The following RAB3GAP2 variants were observed in gnomAD, a reference collection of about 807,000 sequenced individuals.
RAB3GAP2 encodes RAB3 GTPase activating non-catalytic protein subunit 2.
RAB3GAP2 carries 87 observed loss-of-function variants against 185.3 expected under a neutral mutation model. That is an observed-to-expected ratio of 0.47 (90% CI 0.39 to 0.56). The LOEUF (loss-of-function observed/expected upper bound fraction) is 0.56. RAB3GAP2 is among the 20% of genes least tolerant of loss of function. The pLI, the probability that RAB3GAP2 is intolerant of heterozygous loss-of-function variation, is 0.00. For missense variants in RAB3GAP2, 1,492 were observed against 1,638.2 expected, an observed-to-expected ratio of 0.91 and a Z score of 1.54; for synonymous variants, 554 against 576.1, an observed-to-expected ratio of 0.96 and a Z score of 0.55.
At chr1:220,243,353 CAAAA>C (rs34046394) in intron 1 of RAB3GAP2, among the ~76,000 whole-genome samples, 2 of 107,604 alleles carry the variant, frequency 1.9e-5, no homozygotes. Flanking sequence ...GACTCCATCT[CAAAA>C]AAAAAAAAAA....
At chr1:220,258,927 T>C (rs1660084529) in intron 1 of RAB3GAP2, among the ~76,000 whole-genome samples, 1 of 152,108 alleles carries the variant, frequency 6.6e-6, no homozygotes, top group African/African-American at 2.4e-5. Context: ...ATCACAAGCA[T>C]TCCTATACAC....
At chr1:220,255,958 C>T (rs1660025735) in intron 1 of RAB3GAP2, among the ~76,000 whole-genome samples, 1 of 152,146 alleles carries the variant, frequency 6.6e-6, no homozygotes, top group African/African-American at 2.4e-5. Flanking sequence ...TCAAGAAGAT[C>T]AACCCCAAGA....
intron 1 of RAB3GAP2, among the ~76,000 whole-genome samples, chr1:220,263,335 G>A (rs1660174458): frequency 6.6e-6 from 1 of 152,002 alleles, no homozygotes; most frequent in African/African-American, 2.4e-5. Context: ...TGCTTCTGCT[G>A]CCTATGCTTT....
intron 12 of RAB3GAP2, 41 bp from the exon 13 acceptor site, chr1:220,193,420 A>T (rs757072019): frequency 6.9e-6 from 11 of 1,593,384 alleles, no homozygotes; most frequent in Non-Finnish European, 9.4e-6. Context: ...ATCACATTCC[A>T]GTTCAGAAAC....
chr1:220,209,382 TACCTG>T (rs2102879641), intron 7 of RAB3GAP2, among the ~76,000 whole-genome samples: 1 of 152,314 alleles, frequency 6.6e-6, no homozygotes, highest in South Asian at 2.1e-4. Context: ...TTCTCCTGAT[TACCTG>T]AAACACTTTC....
rs1657725348 is a variant in RAB3GAP2 at position 220,150,355 on chromosome 1, T to C, written c.*896A>G. 1 of 152,424 alleles carries C rather than the reference T, an allele frequency of 6.6e-6. No individual in the cohort carries two copies. The highest frequency in any genetic ancestry group is 1.5e-5 in the Non-Finnish European group (1 of 68,014). The allele number at this position is 152,424 out of a possible 1,614,324, so 9.4% of individuals were successfully genotyped here. ...TACCACTAAGCAGTTTTTTCAATACTGTTCCCAAGGACAGATAATATTAGC... is the reference window on the plus strand; with the variant it reads ...TACCACTAAGCAGTTTTTTCAATACCGTTCCCAAGGACAGATAATATTAGC... On this transcript the variant is annotated 3_prime_UTR_variant, in exon 35 of 35. Transcript: ENST00000358951.
intron 1 of RAB3GAP2, among the ~76,000 whole-genome samples, chr1:220,263,524 ACAT>A (rs1279514816): frequency 6.6e-6 from 1 of 152,092 alleles, no homozygotes; most frequent in Non-Finnish European, 1.5e-5. Context: ...ATTTCCTCTA[ACAT>A]CATATATTCA....
At chr1:220,237,901 A>C (rs2102894588) in intron 1 of RAB3GAP2, among the ~76,000 whole-genome samples, 1 of 152,242 alleles carries the variant, frequency 6.6e-6, no homozygotes, top group Admixed American at 6.5e-5. Context: ...AAAAAAAACA[A>C]CAGGTGAAAT....
rs956385194 is a variant in RAB3GAP2, at chr1:220,148,623, CATATT to C, written c.*2623_*2627del. 1.2e-4 allele frequency: 19 copies of C among 152,128 alleles called. No homozygotes were observed. Among genetic ancestry groups the C allele is most frequent in the Non-Finnish European group, 1.8e-4 (12 of 68,006 alleles). The allele number at this position is 152,128 out of a possible 1,614,324, so 9.4% of individuals were successfully genotyped here. A position where few individuals can be genotyped will look rare whatever the true frequency, so the allele number is the denominator to read the frequency against. On this transcript the variant is annotated 3_prime_UTR_variant, in exon 35 of 35. Transcript: ENST00000358951. Reference sequence around the variant, plus strand: ...TGAACATTATATTCAGTGTAAGTCTCATATTATTAAATTTCAGATTTTTGACTTTT... The same window carrying C: ...TGAACATTATATTCAGTGTAAGTCTCATTAAATTTCAGATTTTTGACTTTT...
At chr1:220,264,541 AC>A (rs1049855239) in intron 1 of RAB3GAP2, among the ~76,000 whole-genome samples, 1 of 152,008 alleles carries the variant, frequency 6.6e-6, no homozygotes, top group Non-Finnish European at 1.5e-5. Flanking sequence ...TTCCCAAGCA[AC>A]CTTTTATAAA....
chr1:220,171,944 G>T lies in RAB3GAP2; in HGVS notation c.2522C>A (p.Ala841Glu). 1 of 1,614,124 alleles carries T rather than the reference G, an allele frequency of 6.2e-7. No individual in the cohort carries two copies. The highest frequency in any genetic ancestry group is 8.5e-7 in the Non-Finnish European group (1 of 1,180,016). ...SENNGAALLS[A>E]HVGHSVAAQI... is the part of the protein sequence containing the mutation. ...TGCAGCAACAGAATGCCCAACATGC[G>T]CAGACAACAGAGCGGCTCCATTGTT... Residue 841 changes from alanine (A) to glutamate (E), a missense_variant, in exon 23 of 35, where the codon GCG (alanine) becomes GAG (glutamate). Coordinates refer to ENST00000358951, the MANE Select transcript of RAB3GAP2 (RefSeq NM_012414.4).
chr1:220,257,724 A>C (rs1250518157), intron 1 of RAB3GAP2, among the ~76,000 whole-genome samples: 5 of 152,192 alleles, frequency 3.3e-5, no homozygotes, highest in Admixed American at 3.3e-4. Flanking sequence ...AATAACCAAG[A>C]TCAGAGCTGA....
chr1:220,242,866 T>C (rs897596159), intron 1 of RAB3GAP2, among the ~76,000 whole-genome samples: 3 of 152,324 alleles, frequency 2.0e-5, no homozygotes, highest in Admixed American at 2.0e-4. Context: ...GGCACTTAGA[T>C]GACATAATCA....
rs921244258 is a variant in RAB3GAP2, at chr1:220,189,850, T to C, written c.1715-83A>G. The C allele has an allele frequency of 3.3e-6, 4 of 1,228,366 alleles. No individual in the cohort carries two copies. In the African/African-American group the frequency reaches 6.1e-5, roughly 19 times the overall value. The allele number at this position is 1,228,366 out of a possible 1,614,324, so 76.1% of individuals were successfully genotyped here. Reference sequence around the variant, plus strand: ...TTCTGAAAGAAAATGAACATATCTGTACTATCAGTGAGTCTAAAGGATTTT... The same window carrying C: ...TTCTGAAAGAAAATGAACATATCTGCACTATCAGTGAGTCTAAAGGATTTT... On this transcript the variant is annotated intron_variant, in intron 16 of 34. Transcript: ENST00000358951.
At chr1:220,195,264 G>A in intron 11 of RAB3GAP2, 34 bp downstream of exon 11, 1 of 1,586,412 alleles carries the variant, frequency 6.3e-7, no homozygotes. Flanking sequence ...AGATACAAAT[G>A]AGATATTTGT....
intron 31 of RAB3GAP2, 86 bp downstream of exon 31, chr1:220,157,184 T>A: frequency 8.5e-7 from 1 of 1,179,502 alleles, no homozygotes; most frequent in Non-Finnish European, 1.2e-6. Flanking sequence ...ACAAAAGTAC[T>A]GGACAGCTTC....
chr1:220,217,605 C>T (rs1207724083), intron 2 of RAB3GAP2, among the ~76,000 whole-genome samples: 1 of 151,960 alleles, frequency 6.6e-6, no homozygotes, highest in African/African-American at 2.4e-5. Flanking sequence ...AAGCCTATGG[C>T]TTATATTATT....
At chr1:220,178,303 T>TA (rs1441050582) in intron 21 of RAB3GAP2, among the ~76,000 whole-genome samples, 3 of 152,208 alleles carry the variant, frequency 2.0e-5, no homozygotes, top group African/African-American at 7.2e-5. Context: ...TGTGATTTCT[T>TA]AGACACTAAA....
At chr1:220,190,577 A>G in intron 14 of RAB3GAP2, 57 bp from the exon 15 acceptor site, 2 of 1,526,128 alleles carry the variant, frequency 1.3e-6, no homozygotes, top group Non-Finnish European at 1.8e-6. Context: ...AAATGCCAAA[A>G]GGTGCTTTTA....
Sources: allele counts gnomAD v4.1 joint callset (sites outside exome capture counted in the v4.1 genomes callset), GRCh38; gene constraint gnomAD v4.1.1; transcripts MANE v1.5; gene names NCBI Gene and HGNC (gene_info 2026-07-23, HGNC 2026-07-21).